F2RL2: variants seen among roughly 807,000 people sequenced by gnomAD.
F2RL2 encodes the protein proteinase-activated receptor 3.
F2RL2 carries 4 observed loss-of-function variants against 4.3 expected under a neutral mutation model. The observed-to-expected ratio is 0.93, with a 90% CI of 0.46 to 2.12. The LOEUF is 2.12. Among genes scored for constraint, F2RL2 ranks in the 30% most tolerant of loss-of-function variants. The pLI, the probability that F2RL2 is intolerant of heterozygous loss-of-function variation, is 0.02. For missense variants in F2RL2, 408 were observed against 449.3 expected (o/e 0.91, Z 0.83); for synonymous variants, 166 against 170.9 (o/e 0.97, Z 0.22).
intron 1 of F2RL2, among the ~76,000 whole-genome samples, chr5:76,619,491 G>C: frequency 6.7e-6 from 1 of 149,148 alleles, no homozygotes; most frequent in Admixed American, 6.7e-5. Flanking sequence ...GGATTTTGCA[G>C]ATCTAACTTA....
intron 1 of F2RL2, among the ~76,000 whole-genome samples, chr5:76,620,495 G>A (rs1278378672): frequency 6.6e-6 from 1 of 152,168 alleles, no homozygotes; most frequent in Admixed American, 6.5e-5. Flanking sequence ...GACAGGATCG[G>A]GGAGAAGCTA....
chr5:76,619,241 TTG>T (rs1749347364), intron 1 of F2RL2, among the ~76,000 whole-genome samples: 1 of 152,186 alleles, frequency 6.6e-6, no homozygotes, highest in African/African-American at 2.4e-5. Context: ...TAAAAATGCA[TTG>T]TCTTATGCGA....
In F2RL2 at chr5:76,616,178, T is replaced by C. The variant is rs984183531; in HGVS notation, c.*1404A>G. On this transcript the variant is annotated 3_prime_UTR_variant, in exon 2 of 2. Coordinates refer to ENST00000296641, the MANE Select transcript of F2RL2 (RefSeq NM_004101.4). ...ATATATAAATGCCATAATAAAAATA[T>C]ACGAAAGTGCTTTGGAAGTACAGAT... The C allele has an allele frequency of 6.6e-6, 1 of 152,292 alleles. No homozygotes were observed. The highest frequency in any genetic ancestry group is 1.5e-5 in the Non-Finnish European group (1 of 68,032). The allele number at this position is 152,292 out of a possible 1,614,324, so 9.4% of individuals were successfully genotyped here.
chr5:76,623,094 C>T (rs1210684114), intron 1 of F2RL2, 73 bp downstream of exon 1: 4 of 1,414,072 alleles, frequency 2.8e-6, no homozygotes, highest in Non-Finnish European at 4.0e-6. Context: ...TGCAAAGAAA[C>T]CTAGGTTCAG....
Position 76,618,047 on chromosome 5 carries a change from T to C in F2RL2, c.660A>G (p.Thr220=), listed in dbSNP as rs762277412. Residue 220 remains threonine, a synonymous_variant, in exon 2 of 2, where the codon ACA becomes ACG. Coordinates refer to ENST00000296641, the MANE Select transcript of F2RL2 (RefSeq NM_004101.4). ...AAAATGGCAGCATATATAAGAAAAC[T>C]GTTGCCCACACCAGTCCACATGTTA... ...ALVTCGLVWA[T]VFLYMLPFFI... is the part of the protein sequence containing the mutation. 4.3e-6 allele frequency: 7 copies of C among 1,614,128 alleles called. No individual in the cohort carries two copies. The highest frequency in any genetic ancestry group is 2.2e-5 in the South Asian group (2 of 91,086).
Position 76,615,852 on chromosome 5 carries a change from G to A in F2RL2, c.*1730C>T, listed in dbSNP as rs1048343742. ...ATTTAAAACTTCTAAATGGCCTGGT[G>A]AGTATAGTCTTAGTTTAGCTTCCTT... On this transcript the variant is annotated 3_prime_UTR_variant, in exon 2 of 2. Transcript: ENST00000296641. 1 of 152,594 alleles carries A rather than the reference G, an allele frequency of 6.6e-6. No individual in the cohort carries two copies. The highest frequency in any genetic ancestry group is 1.5e-5 in the Non-Finnish European group (1 of 68,032). 9.5% of individuals were successfully genotyped at this position (152,594 alleles called of 1,614,324 possible).
In F2RL2 at chr5:76,616,473, T is replaced by A. The variant is rs1314955999; in HGVS notation, c.*1109A>T. On this transcript the variant is annotated 3_prime_UTR_variant, in exon 2 of 2. Coordinates refer to ENST00000296641, the MANE Select transcript of F2RL2 (RefSeq NM_004101.4). Reference sequence around the variant, plus strand: ...AGTTAGTGGAAATGTTTTAGTGATGTATCCTAACTGATATCTAAGGAAGAT... The same window carrying A: ...AGTTAGTGGAAATGTTTTAGTGATGAATCCTAACTGATATCTAAGGAAGAT... 6.5e-6 allele frequency: 1 copy of A among 152,684 alleles called. No homozygotes were observed. 9.5% of individuals were successfully genotyped at this position (152,684 alleles called of 1,614,324 possible).
chr5:76,623,304 C>T lies in F2RL2; in HGVS notation c.-74G>A. 6.4e-7 allele frequency: 1 copy of T among 1,550,452 alleles called. No individual in the cohort carries two copies. The highest frequency in any genetic ancestry group is 1.1e-5 in the South Asian group (1 of 89,468). On this transcript the variant is annotated 5_prime_UTR_variant, in exon 1 of 2. Coordinates refer to ENST00000296641, the MANE Select transcript of F2RL2 (RefSeq NM_004101.4). ...CATGGAGCACAATTTCACCTCAGTT[C>T]CATGTGTCAGCAGCAAATGGAAGCC...
chr5:76,617,606 G>C lies in F2RL2; in HGVS notation c.1101C>G (p.His367Gln), dbSNP rs1402092595. The C allele has an allele frequency of 1.2e-6, 2 of 1,613,022 alleles. No homozygotes were observed. Among genetic ancestry groups the C allele is most frequent in the South Asian group, 2.2e-5 (2 of 91,004 alleles). ...LYFLMSKTRN[H>Q]STAYLTK Reference sequence around the variant, plus strand: ...ACTATTTTGTAAGGTAAGCAGTGGAGTGATTTCTGGTTTTTGACATGAGAA... The same window carrying C: ...ACTATTTTGTAAGGTAAGCAGTGGACTGATTTCTGGTTTTTGACATGAGAA... Residue 367 changes from histidine to glutamine, a missense_variant, in exon 2 of 2, where the codon CAC becomes CAG. Physicochemically the swap from His to Gln is conservative, Grantham distance 24 (BLOSUM62 0). Transcript: ENST00000296641.
At chr5:76,619,088 A>C (rs1258420536) in intron 1 of F2RL2, among the ~76,000 whole-genome samples, 1 of 152,244 alleles carries the variant, frequency 6.6e-6, no homozygotes, top group Non-Finnish European at 1.5e-5. Flanking sequence ...GGACAGAAGC[A>C]TAGTGTGGGC....
Position 76,617,802 on chromosome 5 carries a change from G to A in F2RL2, c.905C>T (p.Ala302Val), listed in dbSNP as rs751645695. The change falls in exon 2 of 2, where the codon GCG becomes GTG. Residue 302 changes from alanine (A) to valine (V), a missense_variant. Transcript: ENST00000296641. ...AAAAATCACAAGGATGAGGAGACTC[G>A]CCTTAACATACCACAACCATCTATG... ...YDHRWLWYVK[A>V]SLLILVIFTI... The A allele has an allele frequency of 2.2e-5, 36 of 1,613,490 alleles. 1 individual carries two copies. The highest frequency in any genetic ancestry group is 8.9e-5 in the East Asian group (4 of 44,848).
Position 76,618,019 on chromosome 5 carries a change from T to C in F2RL2, c.688A>G (p.Ile230Val), listed in dbSNP as rs143031972. Reference sequence around the variant, plus strand: ...ACAAGATAATATTCCTGCTTCAGTATGAAAAATGGCAGCATATATAAGAAA... The same window carrying C: ...ACAAGATAATATTCCTGCTTCAGTACGAAAAATGGCAGCATATATAAGAAA... ...TVFLYMLPFF[I>V]LKQEYYLVQP... Residue 230 changes from isoleucine to valine, a missense_variant, in exon 2 of 2, where the codon ATA becomes GTA. Physicochemically the swap from Ile to Val is conservative, Grantham distance 29 (BLOSUM62 3). Coordinates refer to ENST00000296641, the MANE Select transcript of F2RL2 (RefSeq NM_004101.4). The C allele has an allele frequency of 8.7e-6, 14 of 1,614,150 alleles. No homozygotes were observed. Among genetic ancestry groups the C allele is most frequent in the African/African-American group, 1.3e-5 (1 of 75,032 alleles).
rs2069702 is a variant in F2RL2, at chr5:76,617,476, A to G, written c.*106T>C. 7,086 of 801,560 alleles carry G rather than the reference A, an allele frequency of 8.8e-3. 49 individuals are homozygous for G. Among genetic ancestry groups the G allele is most frequent in the Middle Eastern group, 0.015 (40 of 2,642 alleles). 49.7% of individuals were successfully genotyped at this position (801,560 alleles called of 1,614,324 possible). On this transcript the variant is annotated 3_prime_UTR_variant, in exon 2 of 2. Coordinates refer to ENST00000296641, the MANE Select transcript of F2RL2 (RefSeq NM_004101.4). Reference sequence around the variant, plus strand: ...TTTTGTAATGTTTGACCTTTGAAGCATATTTCTTAGGAGCTCGGAAATGGA... The same window carrying G: ...TTTTGTAATGTTTGACCTTTGAAGCGTATTTCTTAGGAGCTCGGAAATGGA...
chr5:76,622,799 G>A (rs1749832543), intron 1 of F2RL2, among the ~76,000 whole-genome samples: 1 of 151,896 alleles, frequency 6.6e-6, no homozygotes, highest in Admixed American at 6.6e-5. Flanking sequence ...TCACCAAGAG[G>A]TTTAAACACA....
chr5:76,623,161 G>T lies in F2RL2; in HGVS notation c.64+6C>A. On this transcript the variant is annotated splice_donor_region_variant and intron_variant, in intron 1 of 1. Coordinates refer to ENST00000296641, the MANE Select transcript of F2RL2 (RefSeq NM_004101.4). ...CCCCATCCTACCCCCTGAGAAAATT[G>T]CTTACCACTCTGACAAAAAGTGGGC... The T allele has an allele frequency of 1.2e-6, 2 of 1,614,038 alleles. No individual in the cohort carries two copies. The highest frequency in any genetic ancestry group is 1.7e-6 in the Non-Finnish European group (2 of 1,179,918).
chr5:76,623,315 CA>C lies in F2RL2; in HGVS notation c.-86del. 6.7e-7 allele frequency: 1 copy of C among 1,496,092 alleles called. No homozygotes were observed. Among genetic ancestry groups the C allele is most frequent in the South Asian group, 1.1e-5 (1 of 87,680 alleles). 92.7% of individuals were successfully genotyped at this position (1,496,092 alleles called of 1,614,324 possible). ...ATTTCACCTCAGTTCCATGTGTCAG[CA>C]GCAAATGGAAGCCTTGGTCTGTCTG... On this transcript the variant is annotated 5_prime_UTR_variant, in exon 1 of 2. Coordinates refer to ENST00000296641, the MANE Select transcript of F2RL2 (RefSeq NM_004101.4).
Position 76,618,405 on chromosome 5 carries a change from T to C in F2RL2, c.302A>G (p.Tyr101Cys). ...GACACCAACTACAAACACCAGGAGG[T>C]AGATGGCAGGTATCAGTTTAGTACT... is the stretch of plus-strand genomic sequence containing the variant. ...SLSTKLIPAI[Y>C]LLVFVVGVPA... is the part of the protein sequence containing the mutation. Residue 101 changes from tyrosine (Y) to cysteine (C), a missense_variant, in exon 2 of 2, where the codon TAC (tyrosine) becomes TGC (cysteine). Coordinates refer to ENST00000296641, the MANE Select transcript of F2RL2 (RefSeq NM_004101.4). The C allele has an allele frequency of 1.2e-6, 2 of 1,613,940 alleles. No individual in the cohort carries two copies. The highest frequency in any genetic ancestry group is 1.7e-6 in the Non-Finnish European group (2 of 1,179,996).
intron 1 of F2RL2, among the ~76,000 whole-genome samples, chr5:76,621,626 A>T (rs1717160228): frequency 1.3e-5 from 2 of 152,342 alleles, no homozygotes; most frequent in South Asian, 4.1e-4. Flanking sequence ...ATTTAGCAAG[A>T]CATCATGCCT....
In F2RL2 at chr5:76,617,671, G is replaced by C. The variant is rs1364222103; in HGVS notation, c.1036C>G (p.Leu346Val). The change falls in exon 2 of 2, where the codon CTG becomes GTG. Residue 346 changes from leucine to valine, a missense_variant. Transcript: ENST00000296641. ...TCTAAGCAACTATTAAGACTACCCA[G>C]GCACAAAGCTATGAGATATATAAAA... is the stretch of plus-strand genomic sequence containing the variant. ...LYFIYLIALCLGSLNSCLDPF... is the reference protein window; with the variant it reads ...LYFIYLIALCVGSLNSCLDPF... 6.2e-7 allele frequency: 1 copy of C among 1,613,902 alleles called. No homozygotes were observed. The highest frequency in any genetic ancestry group is 2.2e-5 in the East Asian group (1 of 44,884).
Sources: allele counts gnomAD v4.1 joint callset (sites outside exome capture counted in the v4.1 genomes callset), GRCh38; gene constraint gnomAD v4.1.1; transcripts MANE v1.5; gene names NCBI Gene and HGNC (gene_info 2026-07-23, HGNC 2026-07-21).